LPP: variants seen among roughly 807,000 people sequenced by gnomAD.
LPP encodes the protein LIM domain containing preferred translocation partner in lipoma, also known as lipoma-preferred partner.
In LPP, 38 loss-of-function variants were observed where a neutral mutation model predicts 60.4. The ratio of observed to expected loss-of-function variants is 0.63; its 90% CI spans 0.49 to 0.83. The LOEUF (loss-of-function observed/expected upper bound fraction) is 0.83. Ranked by LOEUF, LPP falls within the 40% of genes least tolerant of loss-of-function variation. The pLI is 0.00. For missense variants in LPP, 902 were observed against 783.6 expected (o/e 1.15, Z -1.80); for synonymous variants, 328 against 290.8 (o/e 1.13, Z -1.30).
At chr3:188,243,266 C>G (rs929360388) in intron 2 of LPP, among the ~76,000 whole-genome samples, 10 of 152,146 alleles carry the variant, frequency 6.6e-5, no homozygotes, top group Non-Finnish European at 1.5e-4. Context: ...CTAGTGAGAA[C>G]CGATTTAAAA....
rs536642479 is a variant in LPP at position 188,529,295 on chromosome 3, G to A, written c.429+4508G>A. Among the ~76,000 whole-genome samples the A allele has an allele frequency of 9.2e-5, 14 of 152,276 alleles. No homozygotes were observed. The South Asian group carries it at 1.7e-3, about 18-fold the overall frequency. ...TTGAAAAGTCCTAGAAATGTAGACC[G>A]TTAATGCCCAACATTGATGTTTCTA... On this transcript the variant is annotated intron_variant, in intron 6 of 11. Coordinates refer to ENST00000617246, the MANE Select transcript of LPP (RefSeq NM_001375462.1).
chr3:188,191,236 GAAACAAAAAC>G lies in LPP; in HGVS notation c.-189-34159_-189-34150del, dbSNP rs571210643. 2.0e-3 allele frequency among the ~76,000 whole-genome samples: 311 copies of G among 152,230 alleles called. 3 individuals carry two copies. Among genetic ancestry groups the G allele is most frequent in the African/African-American group, 6.4e-3 (267 of 41,540 alleles). ...CAGAGCAAGACTTTGTCTCAAAACA[GAAACAAAAAC>G]AAACAAAAAACCCAGTTGGTTTTAA... On this transcript the variant is annotated intron_variant, in intron 1 of 11. Coordinates refer to ENST00000617246, the MANE Select transcript of LPP (RefSeq NM_001375462.1).
chr3:188,808,435 C>A (rs1186568999), intron 9 of LPP, among the ~76,000 whole-genome samples: 1 of 152,096 alleles, frequency 6.6e-6, no homozygotes, highest in Non-Finnish European at 1.5e-5. Flanking sequence ...CTGCCTCTCC[C>A]CGGGACTAAA....
intron 7 of LPP, among the ~76,000 whole-genome samples, chr3:188,694,759 A>G (rs1190286941): frequency 1.3e-5 from 2 of 152,104 alleles, no homozygotes; most frequent in African/African-American, 2.4e-5. Context: ...TTGTACTCAG[A>G]CCACCTGCAT....
intron 4 of LPP, among the ~76,000 whole-genome samples, chr3:188,462,594 G>T (rs57772947): frequency 1.1e-4 from 1 of 8,962 alleles, no homozygotes; most frequent in African/African-American, 4.6e-4. Flanking sequence ...ATGCATGTGT[G>T]TGTGTGTGTG....
intron 4 of LPP, among the ~76,000 whole-genome samples, chr3:188,416,969 A>G (rs1031185204): frequency 1.3e-5 from 2 of 152,170 alleles, no homozygotes; most frequent in Non-Finnish European, 1.5e-5. Context: ...TACCATATAA[A>G]GAAATCATAC....
At chr3:188,623,046 A>AAG (rs1407934429) in intron 7 of LPP, among the ~76,000 whole-genome samples, 4 of 49,684 alleles carry the variant, frequency 8.1e-5, no homozygotes, top group African/African-American at 3.3e-4. Context: ...AAAAAAAAAA[A>AAG]AGAGAGAGCT....
intron 3 of LPP, among the ~76,000 whole-genome samples, chr3:188,376,207 G>A (rs1469858015): frequency 3.9e-5 from 6 of 151,992 alleles, no homozygotes; most frequent in African/African-American, 1.4e-4. Context: ...GAGTTCTGTA[G>A]ATGTCTATTA....
At chr3:188,702,144 G>A (rs1250719487) in intron 7 of LPP, among the ~76,000 whole-genome samples, 1 of 151,518 alleles carries the variant, frequency 6.6e-6, no homozygotes, top group East Asian at 1.9e-4. Context: ...TTTTAGTAGA[G>A]GTGGGATTTC....
intron 9 of LPP, among the ~76,000 whole-genome samples, chr3:188,848,202 T>C (rs1420371196): frequency 2.0e-5 from 3 of 152,230 alleles, no homozygotes; most frequent in African/African-American, 7.2e-5. Context: ...GTACCCATTG[T>C]GGGGTGATAC....
At chr3:188,458,351 A>T (rs767045417) in intron 4 of LPP, among the ~76,000 whole-genome samples, 5 of 152,254 alleles carry the variant, frequency 3.3e-5, no homozygotes, top group Non-Finnish European at 7.3e-5. Flanking sequence ...CTGCATTTTT[A>T]TAAAACTACA....
At chr3:188,731,537 T>TTTTG (rs1240778113) in intron 8 of LPP, among the ~76,000 whole-genome samples, 9 of 151,970 alleles carry the variant, frequency 5.9e-5, no homozygotes, top group African/African-American at 1.7e-4. Flanking sequence ...TTTTGTTTTG[T>TTTTG]TTTGAGATGG....
chr3:188,766,883 A>G (rs1336091825), intron 9 of LPP, among the ~76,000 whole-genome samples: 1 of 152,158 alleles, frequency 6.6e-6, no homozygotes, highest in African/African-American at 2.4e-5. Context: ...TACAAATGTA[A>G]CCACACATCT....
intron 1 of LPP, among the ~76,000 whole-genome samples, chr3:188,167,622 C>T (rs1349289712): frequency 4.1e-5 from 6 of 147,622 alleles, no homozygotes; most frequent in African/African-American, 1.5e-4. Flanking sequence ...CTCTGTCAAC[C>T]CATTAGCTAA....
chr3:188,846,976 C>G lies in LPP; in HGVS notation c.1411-19224C>G, dbSNP rs781001337. Reference sequence around the variant, plus strand: ...AGGACAGAGGCCACACACATCTGCCCTGAGGTCAGATACCTATACATTTAT... The same window carrying G: ...AGGACAGAGGCCACACACATCTGCCGTGAGGTCAGATACCTATACATTTAT... On this transcript the variant is annotated intron_variant, in intron 9 of 11. Transcript: ENST00000617246. Among the ~76,000 whole-genome samples, 3 of 152,148 alleles carry G rather than the reference C, an allele frequency of 2.0e-5. No individual in the cohort carries two copies. In the South Asian group the frequency reaches 6.2e-4, roughly 31 times the overall value.
intron 9 of LPP, among the ~76,000 whole-genome samples, chr3:188,808,715 T>C (rs1015064239): frequency 6.6e-6 from 1 of 152,222 alleles, no homozygotes; most frequent in African/African-American, 2.4e-5. Flanking sequence ...GTGCAGAACA[T>C]GCAGGTTTGT....
At chr3:188,579,811 A>G (rs1835636021) in intron 6 of LPP, among the ~76,000 whole-genome samples, 1 of 148,782 alleles carries the variant, frequency 6.7e-6, no homozygotes, top group Non-Finnish European at 1.5e-5. Flanking sequence ...AGTTTTTTAA[A>G]TAGCCAGGAT....
At chr3:188,869,119 T>C (rs1298880139) in intron 10 of LPP, among the ~76,000 whole-genome samples, 1 of 152,016 alleles carries the variant, frequency 6.6e-6, no homozygotes, top group African/African-American at 2.4e-5. Context: ...AGGGAACAAC[T>C]CAGGCAAAAA....
At chr3:188,195,476 G>T (rs1447405113) in intron 1 of LPP, among the ~76,000 whole-genome samples, 1 of 152,170 alleles carries the variant, frequency 6.6e-6, no homozygotes, top group East Asian at 1.9e-4. Flanking sequence ...GAAGTGGCAA[G>T]CATCTATCCA....
Sources: gnomAD v4.1 joint callset for allele counts (sites outside exome capture counted in the v4.1 genomes callset) on GRCh38, gnomAD v4.1.1 for gene constraint, MANE v1.5 for transcripts, NCBI Gene and HGNC (gene_info 2026-07-23, HGNC 2026-07-21) for gene names.